SAMD5: variants seen among roughly 807,000 people sequenced by gnomAD.
SAMD5 encodes the protein sterile alpha motif domain-containing protein 5.
In SAMD5, 13 loss-of-function variants were observed where a neutral mutation model predicts 11.3. The ratio of observed to expected loss-of-function variants is 1.15; its 90% confidence interval spans 0.75 to 1.83. The LOEUF is 1.83. Among genes scored for constraint, SAMD5 ranks in the 40% most tolerant of loss-of-function variants. The probability of loss-of-function intolerance (pLI) is 0.00; values close to 1 mark genes in which losing one functional copy is unlikely to be tolerated. For missense variants in SAMD5, 255 were observed against 239.1 expected, an observed-to-expected ratio of 1.07 and a Z score of -0.44; for synonymous variants, 129 against 111.3, an observed-to-expected ratio of 1.16 and a Z score of -1.00.
In SAMD5 at chr6:147,619,309, C is replaced by T. The variant is rs577217969; in HGVS notation, c.162+109922C>T. ...CTGCATTTATAGCTGAACTTCCTAGCGGCCAAGATAAAAACATAGAAATGC... is the reference window on the plus strand; with the variant it reads ...CTGCATTTATAGCTGAACTTCCTAGTGGCCAAGATAAAAACATAGAAATGC... On this transcript the variant is annotated intron_variant, in intron 1 of 1. Transcript: ENST00000566741. Among the ~76,000 whole-genome samples, 11 of 152,252 alleles carry T rather than the reference C, an allele frequency of 7.2e-5. No homozygotes were observed. In the South Asian group the frequency reaches 1.9e-3, roughly 26 times the overall value.
At chr6:147,591,898 G>A (rs1443960045) in intron 1 of SAMD5, among the ~76,000 whole-genome samples, 1 of 152,046 alleles carries the variant, frequency 6.6e-6, no homozygotes, top group Non-Finnish European at 1.5e-5. Context: ...GGGCTCAGGA[G>A]GCGGTTTCCC....
chr6:147,657,619 A>G (rs184030486), intron 1 of SAMD5, among the ~76,000 whole-genome samples: 1 of 152,266 alleles, frequency 6.6e-6, no homozygotes, highest in East Asian at 1.9e-4. Flanking sequence ...AACTACAGAA[A>G]TTTATTTCTC....
rs1039917604 is a variant in SAMD5, at chr6:147,568,419, A to G, written c.*3963A>G. The G allele has an allele frequency of 1.0e-6, 1 of 984,774 alleles. No homozygotes were observed. The highest frequency in any genetic ancestry group is 1.2e-6 in the Non-Finnish European group (1 of 829,320). 61.0% of individuals were successfully genotyped at this position (984,774 alleles called of 1,614,324 possible). A position where few individuals can be genotyped will look rare whatever the true frequency, so the allele number is the denominator to read the frequency against. ...TTGCTTTATATAGATTCTTACAAGT[A>G]ATATTTGATTAGGTATCAAAATAGG... On this transcript the variant is annotated 3_prime_UTR_variant, in exon 2 of 2. Coordinates refer to ENST00000367474, the MANE Select transcript of SAMD5 (RefSeq NM_001030060.3).
chr6:147,528,874 T>C (rs1289971291), intron 1 of SAMD5, among the ~76,000 whole-genome samples: 1 of 152,188 alleles, frequency 6.6e-6, no homozygotes, highest in Non-Finnish European at 1.5e-5. Context: ...TATTAGAGAA[T>C]AACCCCCTAA....
chr6:147,939,486 CAA>C, the SAMD5 span, among the ~76,000 whole-genome samples: 2 of 152,150 alleles, frequency 1.3e-5, no homozygotes, highest in Non-Finnish European at 2.9e-5. Flanking sequence ...GTCTTTAAAA[CAA>C]AAGATATTCC....
intron 1 of SAMD5, among the ~76,000 whole-genome samples, chr6:147,667,600 A>G (rs1583131753): frequency 2.0e-5 from 3 of 152,186 alleles, no homozygotes; most frequent in East Asian, 3.9e-4. Context: ...TAACAACTTA[A>G]ATTCCTGATT....
chr6:147,827,790 T>C, the SAMD5 span, among the ~76,000 whole-genome samples: 1 of 150,676 alleles, frequency 6.6e-6, no homozygotes, highest in African/African-American at 2.5e-5. Flanking sequence ...TGAGCTAACA[T>C]GACATTTTTT....
At chr6:147,551,634 T>C (rs1788772799) in intron 1 of SAMD5, among the ~76,000 whole-genome samples, 1 of 151,904 alleles carries the variant, frequency 6.6e-6, no homozygotes, top group Admixed American at 6.6e-5. Flanking sequence ...GTGAATATAA[T>C]GTAATGTTGA....
At chr6:147,909,632 C>CTTT in the SAMD5 span, among the ~76,000 whole-genome samples, 1 of 61,174 alleles carries the variant, frequency 1.6e-5, no homozygotes, top group South Asian at 5.0e-4. Flanking sequence ...TTCTTTCTTT[C>CTTT]TCTTTCTTGT....
At chr6:147,589,563 G>A (rs1445984449) in intron 1 of SAMD5, among the ~76,000 whole-genome samples, 8 of 152,086 alleles carry the variant, frequency 5.3e-5, no homozygotes, top group African/African-American at 1.2e-4. Flanking sequence ...AAGCCTCGGC[G>A]TCCTCATCTG....
chr6:147,921,866 G>A, the SAMD5 span, among the ~76,000 whole-genome samples: 1 of 152,030 alleles, frequency 6.6e-6, no homozygotes, highest in African/African-American at 2.4e-5. Context: ...ACTGTTCAAG[G>A]GAGAATCATT....
the SAMD5 span, among the ~76,000 whole-genome samples, chr6:147,929,866 T>C: frequency 1.3e-5 from 2 of 152,242 alleles, no homozygotes; most frequent in African/African-American, 4.8e-5. Context: ...AAGTAATTTA[T>C]GTTTGAAATA....
At chr6:147,575,612 A>G (rs1038812424) in intron 1 of SAMD5, among the ~76,000 whole-genome samples, 4 of 152,232 alleles carry the variant, frequency 2.6e-5, no homozygotes, top group Admixed American at 1.3e-4. Context: ...GGAAATTCGG[A>G]CCATCCATTT....
At chr6:147,579,157 A>G (rs1181913198) in intron 1 of SAMD5, among the ~76,000 whole-genome samples, 5 of 152,268 alleles carry the variant, frequency 3.3e-5, no homozygotes, top group Non-Finnish European at 7.3e-5. Flanking sequence ...TGAATAAAGG[A>G]TTTACCATAA....
At chr6:147,781,091 G>A in the SAMD5 span, among the ~76,000 whole-genome samples, 2 of 151,352 alleles carry the variant, frequency 1.3e-5, no homozygotes, top group African/African-American at 4.8e-5. Flanking sequence ...CCTAATTTTA[G>A]GCAATGAAAA....
At chr6:147,735,207 TG>T (rs1178307518) in intron 1 of SAMD5, among the ~76,000 whole-genome samples, 4 of 152,358 alleles carry the variant, frequency 2.6e-5, no homozygotes, top group South Asian at 2.1e-4. Context: ...TGATAATTAA[TG>T]GATGATGGCC....
rs1400691946 is a variant in SAMD5, at chr6:147,508,697, G to T, written c.-232G>T. ...TTGCTCAGCCCAGCAGCCAGTGCCT[G>T]CGAGCTCCGCTGCTGCTTGGGGAAT... is the stretch of plus-strand genomic sequence containing the variant. On this transcript the variant is annotated 5_prime_UTR_variant, in exon 1 of 2. Transcript: ENST00000367474. Among the ~76,000 whole-genome samples the T allele has an allele frequency of 1.3e-5, 2 of 152,244 alleles. No homozygotes were observed. Among genetic ancestry groups the T allele is most frequent in the Non-Finnish European group, 2.9e-5 (2 of 68,000 alleles).
At chr6:147,575,602 G>A (rs184321400) in intron 1 of SAMD5, among the ~76,000 whole-genome samples, 5 of 152,314 alleles carry the variant, frequency 3.3e-5, no homozygotes, top group African/African-American at 1.2e-4. Context: ...GAAATTACAA[G>A]GAAATTCGGA....
At chr6:147,923,155 CTA>C in the SAMD5 span, among the ~76,000 whole-genome samples, 1 of 152,126 alleles carries the variant, frequency 6.6e-6, no homozygotes, top group East Asian at 1.9e-4. Flanking sequence ...GGTGTTGAAA[CTA>C]AAGGAAAACA....
Sources: allele counts gnomAD v4.1 joint callset (sites outside exome capture counted in the v4.1 genomes callset), GRCh38; gene constraint gnomAD v4.1.1; transcripts MANE v1.5; gene names NCBI Gene and HGNC (gene_info 2026-07-23, HGNC 2026-07-21).